FGGY: variants seen among roughly 807,000 people sequenced by gnomAD.
FGGY encodes the protein FGGY carbohydrate kinase domain containing, also known as FGGY carbohydrate kinase domain-containing protein.
A neutral mutation model predicts 71.3 loss-of-function variants in FGGY; 72 were observed. The observed-to-expected ratio is 1.01, with a 90% CI of 0.84 to 1.23. The LOEUF is 1.23. FGGY is among the 50% of genes most tolerant of loss of function. The probability of loss-of-function intolerance (pLI) is 0.00; values close to 1 mark genes in which losing one functional copy is unlikely to be tolerated. For synonymous variants in FGGY, 251 were observed against 250.3 expected (o/e 1.00, Z -0.02); for missense variants, 668 against 682.3 (o/e 0.98, Z 0.23).
intron 11 of FGGY, among the ~76,000 whole-genome samples, chr1:59,654,062 C>T (rs1395976604): frequency 1.3e-5 from 2 of 152,148 alleles, no homozygotes; most frequent in Non-Finnish European, 2.9e-5. Flanking sequence ...AATTGAATAA[C>T]CAGGGTACAG....
intron 7 of FGGY, among the ~76,000 whole-genome samples, chr1:59,532,852 C>T (rs115123738): frequency 6.6e-6 from 1 of 152,040 alleles, no homozygotes; most frequent in Non-Finnish European, 1.5e-5. Context: ...TACAATTATA[C>T]ACATATAGAA....
chr1:59,392,459 T>C (rs980703747), intron 5 of FGGY, among the ~76,000 whole-genome samples: 1 of 152,152 alleles, frequency 6.6e-6, no homozygotes. Flanking sequence ...TATCAGACTT[T>C]TCTCATCTGC....
At chr1:59,517,463 C>T (rs904027065) in intron 7 of FGGY, among the ~76,000 whole-genome samples, 21 of 151,842 alleles carry the variant, frequency 1.4e-4, no homozygotes, top group Non-Finnish European at 2.9e-4. Flanking sequence ...GACGGGGTTT[C>T]ACCGTTTTAG....
At chr1:59,728,551 C>A (rs1558925828) in intron 14 of FGGY, among the ~76,000 whole-genome samples, 1 of 151,842 alleles carries the variant, frequency 6.6e-6, no homozygotes, top group East Asian at 1.9e-4. Flanking sequence ...CTCTGAATAA[C>A]TTTTTTTCAA....
intron 11 of FGGY, among the ~76,000 whole-genome samples, chr1:59,652,175 T>A (rs1008873098): frequency 3.3e-5 from 5 of 151,936 alleles, no homozygotes; most frequent in African/African-American, 1.2e-4. Flanking sequence ...TCTCTCTGGC[T>A]GCCCTTAACA....
At chr1:59,518,432 A>G (rs530529822) in intron 7 of FGGY, among the ~76,000 whole-genome samples, 3 of 152,364 alleles carry the variant, frequency 2.0e-5, no homozygotes, top group African/African-American at 7.2e-5. Flanking sequence ...CTTATTGGCA[A>G]TAGTCCATTG....
rs78444860 is a variant in FGGY at position 59,379,392 on chromosome 1, C to T, written c.554+555C>T. ...ATGTTACTGTACTGAATACTGTAGG[C>T]CATTGTGCACAGTGGTACTTATTTG... On this transcript the variant is annotated intron_variant, in intron 5 of 15. Coordinates refer to ENST00000303721, the MANE Select transcript of FGGY (RefSeq NM_018291.5). 4.6e-5 allele frequency among the ~76,000 whole-genome samples: 7 copies of T among 152,000 alleles called. 1 individual carries two copies. In the East Asian group the frequency reaches 9.7e-4, roughly 21 times the overall value.
At chr1:59,445,542 A>T (rs80059251) in intron 5 of FGGY, among the ~76,000 whole-genome samples, 1,784 of 152,330 alleles carry the variant, frequency 0.012, 33 homozygotes, top group African/African-American at 0.04. Context: ...CTGAACTCTC[A>T]AAACCAGACT....
chr1:59,608,837 TA>T (rs913928068), intron 9 of FGGY, among the ~76,000 whole-genome samples: 60 of 151,292 alleles, frequency 4.0e-4, no homozygotes, highest in African/African-American at 1.3e-3. Context: ...AACTCCGTCT[TA>T]AAAAAAAACC....
At chr1:59,524,515 C>G (rs2094923256) in intron 7 of FGGY, among the ~76,000 whole-genome samples, 1 of 152,200 alleles carries the variant, frequency 6.6e-6, no homozygotes, top group Non-Finnish European at 1.5e-5. Context: ...CATGGCTACC[C>G]ATGGACCAAT....
intron 10 of FGGY, among the ~76,000 whole-genome samples, chr1:59,631,654 G>C (rs2096909543): frequency 6.6e-6 from 1 of 152,174 alleles, no homozygotes; most frequent in African/African-American, 2.4e-5. Flanking sequence ...CTATCTCAGA[G>C]CTTAGGGTCA....
rs189393776 is a variant in FGGY at position 59,615,839 on chromosome 1, T to A, written c.1011+7929T>A. Among the ~76,000 whole-genome samples, 8 of 152,168 alleles carry A rather than the reference T, an allele frequency of 5.3e-5. No homozygotes were observed. The East Asian group carries it at 1.5e-3, about 29-fold the overall frequency. On this transcript the variant is annotated intron_variant, in intron 9 of 15. Transcript: ENST00000303721. The stretch of plus-strand genomic sequence containing the variant: ...ACCCCATCAGCAAGTGGGCGAAAGA[T>A]ATGAACAGACACTTCTCAAATGAAG...
intron 1 of FGGY, among the ~76,000 whole-genome samples, 197 bp downstream of exon 1, chr1:59,297,347 C>T (rs1448500032): frequency 6.6e-6 from 1 of 152,210 alleles, no homozygotes; most frequent in African/African-American, 2.4e-5. Context: ...CTTTAATTCA[C>T]GTCTGGCTAC....
intron 5 of FGGY, among the ~76,000 whole-genome samples, chr1:59,444,895 C>T (rs1039925013): frequency 6.6e-6 from 1 of 152,120 alleles, no homozygotes; most frequent in Non-Finnish European, 1.5e-5. Flanking sequence ...GTTTATTTCT[C>T]CTTATCTAGT....
At chr1:59,676,830 C>A (rs965741102) in intron 14 of FGGY, among the ~76,000 whole-genome samples, 1 of 152,118 alleles carries the variant, frequency 6.6e-6, no homozygotes, top group African/African-American at 2.4e-5. Flanking sequence ...CTGAGAGAGT[C>A]CTGAGGTCTT....
chr1:59,376,049 T>G (rs1055895528), intron 4 of FGGY, among the ~76,000 whole-genome samples: 1 of 152,070 alleles, frequency 6.6e-6, no homozygotes, highest in African/African-American at 2.4e-5. Flanking sequence ...CACTGATTGC[T>G]GAAACCACAA....
chr1:59,532,731 G>A (rs903929797), intron 7 of FGGY, among the ~76,000 whole-genome samples: 7 of 152,062 alleles, frequency 4.6e-5, no homozygotes, highest in African/African-American at 1.2e-4. Context: ...ATATTACAAT[G>A]TTCCAATTCT....
intron 6 of FGGY, among the ~76,000 whole-genome samples, chr1:59,486,825 C>G (rs1226705543): frequency 1.3e-5 from 2 of 152,182 alleles, no homozygotes; most frequent in Non-Finnish European, 2.9e-5. Flanking sequence ...AGTGAATCAG[C>G]CAAGAGAATC....
chr1:59,299,368 T>C (rs2042416259), intron 1 of FGGY, among the ~76,000 whole-genome samples: 1 of 152,152 alleles, frequency 6.6e-6, no homozygotes, highest in African/African-American at 2.4e-5. Flanking sequence ...GTTTGAAATA[T>C]ATCTCCAGGG....
Sources: gnomAD v4.1 joint callset for allele counts (sites outside exome capture counted in the v4.1 genomes callset) on GRCh38, gnomAD v4.1.1 for gene constraint, MANE v1.5 for transcripts, NCBI Gene and HGNC (gene_info 2026-07-23, HGNC 2026-07-21) for gene names.